Variants in CR1 observed in about 807,000 individuals in gnomAD.
CR1 encodes the protein complement receptor type 1.
A neutral mutation model predicts 187.3 loss-of-function variants in CR1; 116 were observed. That is an observed-to-expected ratio of 0.62 (90% CI 0.53 to 0.72). The LOEUF is 0.72. CR1 is among the 30% of genes least tolerant of loss of function. The pLI, the probability that CR1 is intolerant of heterozygous loss-of-function variation, is 0.00. For missense variants in CR1, 1,731 were observed against 2,110.7 expected, an observed-to-expected ratio of 0.82 and a Z score of 3.52; for synonymous variants, 576 against 747.1, an observed-to-expected ratio of 0.77 and a Z score of 3.73.
chr1:207,515,111 G>A (rs1341770323), intron 4 of CR1, among the ~76,000 whole-genome samples: 1 of 141,684 alleles, frequency 7.1e-6, no homozygotes, highest in Admixed American at 7.1e-5. Context: ...ATATATGTAC[G>A]TATATATACA....
intron 36 of CR1, among the ~76,000 whole-genome samples, chr1:207,608,930 G>A (rs1661828244): frequency 1.3e-5 from 2 of 151,854 alleles, no homozygotes. Context: ...TGCCAGAAGT[G>A]GTATATTTAA....
At position 207,609,603 on chromosome 1, in the gene CR1, G is replaced by A. The variant is rs562388757; in HGVS notation, c.6210G>A (p.Gln2070=). ...TLTEIIRFRC[Q]PGFVMVGSHT... The stretch of plus-strand genomic sequence containing the variant: ...CTGAGATCATCAGATTTAGATGTCA[G>A]CCCGGGTTTGTCATGGTAGGGTCCC... Residue 2070 remains glutamine, a synonymous_variant, in exon 37 of 47, where the codon CAG becomes CAA. Coordinates refer to ENST00000367049, the MANE Select transcript of CR1 (RefSeq NM_000651.6). 3 of 1,612,762 alleles carry A rather than the reference G, an allele frequency of 1.9e-6. No homozygotes were observed. The highest frequency in any genetic ancestry group is 2.2e-5 in the East Asian group (1 of 44,858).
In CR1 at chr1:207,580,383, G is replaced by A; in HGVS notation, c.5080G>A (p.Gly1694Arg). The change falls in exon 30 of 47, where the codon GGA becomes AGA. Residue 1694 changes from glycine to arginine, a missense_variant. Around this residue, in one of 5 missense-constraint regions of CR1, gnomAD observed 1,312 missense variants for 1,379.6 expected, o/e 0.95. Coordinates refer to ENST00000367049, the MANE Select transcript of CR1 (RefSeq NM_000651.6). Reference sequence around the variant, plus strand: ...TGCGTCTCTGCACTGCACACCCCAGGGAGACTGGAGCCCTGAAGCCCCGAG... The same window carrying A: ...TGCGTCTCTGCACTGCACACCCCAGAGAGACTGGAGCCCTGAAGCCCCGAG... ...GAASLHCTPQ[G>R]DWSPEAPRCA... is the part of the protein sequence containing the mutation. 1 of 1,613,882 alleles carries A rather than the reference G, an allele frequency of 6.2e-7. No homozygotes were observed. Among genetic ancestry groups the A allele is most frequent in the Non-Finnish European group, 8.5e-7 (1 of 1,179,838 alleles).
chr1:207,580,486 C>CTTT (rs75072508), intron 30 of CR1, 25 bp from the exon 31 acceptor site: 72 of 1,378,002 alleles, frequency 5.2e-5, no homozygotes, highest in South Asian at 2.0e-4. Flanking sequence ...CCTATTTTTT[C>CTTT]TTTTTTTTTT....
intron 1 of CR1, among the ~76,000 whole-genome samples, chr1:207,505,453 C>G (rs1659396970): frequency 6.6e-6 from 1 of 152,142 alleles, no homozygotes; most frequent in Admixed American, 6.5e-5. Flanking sequence ...CATGAGCCAC[C>G]ACTCCTGCAC....
intron 46 of CR1, among the ~76,000 whole-genome samples, chr1:207,638,391 C>T (rs1297960613): frequency 6.6e-6 from 1 of 152,352 alleles, no homozygotes; most frequent in African/African-American, 2.4e-5. Flanking sequence ...TACTTTGATA[C>T]ACTTCTGAGG....
intron 33 of CR1, among the ~76,000 whole-genome samples, chr1:207,586,713 C>T (rs1403031899): frequency 6.6e-6 from 1 of 152,084 alleles, no homozygotes; most frequent in African/African-American, 2.4e-5. Context: ...CATTCAAATC[C>T]CTGCCTCCAT....
intron 24 of CR1, among the ~76,000 whole-genome samples, chr1:207,567,609 T>C (rs376253488): frequency 6.0e-5 from 9 of 150,480 alleles, no homozygotes; most frequent in South Asian, 2.1e-4. Context: ...GTCCAGGAAC[T>C]GTTACTATCC....
At chr1:207,576,937 G>A (rs947926173) in intron 28 of CR1, among the ~76,000 whole-genome samples, 20 of 152,208 alleles carry the variant, frequency 1.3e-4, no homozygotes, top group African/African-American at 3.9e-4. Context: ...TTAAATTCTC[G>A]TTTAGCAGGA....
intron 41 of CR1, among the ~76,000 whole-genome samples, chr1:207,617,604 TATATATATAGAGAGAGAGAGAGAGAGAG>T (rs1440661037): frequency 0.015 from 334 of 22,026 alleles, 3 homozygotes; most frequent in African/African-American, 0.04. Context: ...TATATATATA[TATATATATAGAGAGAGAGAGAGAGAGAG>T]AGAGAGAGAG....
intron 27 of CR1, among the ~76,000 whole-genome samples, chr1:207,573,530 G>C: frequency 6.6e-6 from 1 of 151,822 alleles, no homozygotes; most frequent in East Asian, 1.9e-4. Context: ...GGAAATACAT[G>C]TAAAAGAGAC....
intron 41 of CR1, 42 bp downstream of exon 41, chr1:207,616,844 T>C (rs753337139): frequency 6.2e-7 from 1 of 1,600,740 alleles, no homozygotes; most frequent in Admixed American, 1.7e-5. Context: ...GTTCAGAATA[T>C]CTAGGTAAGA....
intron 3 of CR1, among the ~76,000 whole-genome samples, chr1:207,508,789 T>C (rs971055926): frequency 3.3e-5 from 5 of 152,162 alleles, no homozygotes; most frequent in East Asian, 1.9e-4. Flanking sequence ...CACTACCCCT[T>C]TTCAGGGAGC....
Position 207,609,626 on chromosome 1 carries a change from C to A in CR1, c.6233C>A (p.Ser2078Tyr). The change falls in exon 37 of 47, where the codon TCC becomes TAC. Residue 2078 changes from serine (S) to tyrosine (Y), a missense_variant. Physicochemically the swap from Ser to Tyr is moderately radical, Grantham distance 144. Coordinates refer to ENST00000367049, the MANE Select transcript of CR1 (RefSeq NM_000651.6). ...CAGCCCGGGTTTGTCATGGTAGGGT[C>A]CCACACTGTGCAGTGCCAGACCAAT... ...RCQPGFVMVG[S>Y]HTVQCQTNGR... 6.2e-7 allele frequency: 1 copy of A among 1,610,190 alleles called. No homozygotes were observed. The highest frequency in any genetic ancestry group is 1.1e-5 in the South Asian group (1 of 90,150).
chr1:207,510,766 C>CT, intron 3 of CR1, among the ~76,000 whole-genome samples: 1 of 149,892 alleles, frequency 6.7e-6, no homozygotes, highest in Non-Finnish European at 1.5e-5. Flanking sequence ...TCCTTCCTTC[C>CT]TCCCTCCCTT....
intron 4 of CR1, among the ~76,000 whole-genome samples, chr1:207,520,468 G>A (rs1659941093): frequency 6.6e-6 from 1 of 152,148 alleles, no homozygotes; most frequent in Admixed American, 6.6e-5. Flanking sequence ...CAAGATGCTG[G>A]GTCATACTCT....
chr1:207,509,605 G>A (rs1659553704), intron 3 of CR1, among the ~76,000 whole-genome samples: 1 of 152,086 alleles, frequency 6.6e-6, no homozygotes, highest in South Asian at 2.1e-4. Flanking sequence ...AAAATGTTCA[G>A]TATTACAACA....
chr1:207,518,912 C>T (rs1443686290), intron 4 of CR1, among the ~76,000 whole-genome samples: 2 of 152,222 alleles, frequency 1.3e-5, no homozygotes, highest in African/African-American at 4.8e-5. Flanking sequence ...AGTGGTTATT[C>T]AACCCATTAC....
rs374752411 is a variant in CR1, at chr1:207,584,611, A to C, written c.5303-38A>C. 34 of 1,601,994 alleles carry C rather than the reference A, an allele frequency of 2.1e-5. No homozygotes were observed. The African/African-American group carries it at 4.0e-4, about 19-fold the overall frequency. On this transcript the variant is annotated intron_variant, in intron 32 of 46. Transcript: ENST00000367049. ...GAATCACCTTGGATTATACTTTAAA[A>C]TTTTTTATGGAATTGAGAGCTCTTG...
Sources: allele counts gnomAD v4.1 joint callset (sites outside exome capture counted in the v4.1 genomes callset), GRCh38; gene constraint gnomAD v4.1.1; regional missense constraint gnomAD v4.1.1; transcripts MANE v1.5; gene names NCBI Gene and HGNC (gene_info 2026-07-23, HGNC 2026-07-21).